The following RBFOX2 variants were observed in gnomAD, a reference collection of about 807,000 sequenced individuals.
RBFOX2 encodes the protein RNA binding fox-1 homolog 2, also known as RNA binding protein fox-1 homolog 2.
In RBFOX2, 10 loss-of-function variants were observed where a neutral mutation model predicts 49.1. The ratio of observed to expected loss-of-function variants is 0.20; its 90% CI spans 0.13 to 0.35. RBFOX2 has a LOEUF of 0.35. RBFOX2 is among the 10% of genes least tolerant of loss of function. RBFOX2 has a pLI of 1.00. For synonymous variants in RBFOX2, 183 were observed against 187.4 expected (o/e 0.98, Z 0.19); for missense variants, 323 against 486.9 (o/e 0.66, Z 3.17).
chr22:35,786,151 C>G (rs1946343862), intron 2 of RBFOX2, among the ~76,000 whole-genome samples: 1 of 152,130 alleles, frequency 6.6e-6, no homozygotes, highest in Non-Finnish European at 1.5e-5. Context: ...TGTGAAGTGG[C>G]AGGATAAATG....
intron 1 of RBFOX2, among the ~76,000 whole-genome samples, chr22:35,878,580 G>C (rs1047276611): frequency 2.6e-5 from 4 of 152,056 alleles, no homozygotes; most frequent in African/African-American, 4.8e-5. Flanking sequence ...TAGGACTACA[G>C]GTGTGTCCCA....
At chr22:35,895,033 T>C (rs1487800906) in intron 1 of RBFOX2, among the ~76,000 whole-genome samples, 2 of 151,198 alleles carry the variant, frequency 1.3e-5, no homozygotes, top group African/African-American at 4.9e-5. Context: ...CAGCTGACTG[T>C]TCTGTTGTTC....
At chr22:35,975,012 A>G (rs1424235238) in intron 1 of RBFOX2, among the ~76,000 whole-genome samples, 1 of 152,222 alleles carries the variant, frequency 6.6e-6, no homozygotes, top group Non-Finnish European at 1.5e-5. Context: ...AACTGTGAGG[A>G]GCAACCTTTT....
At chr22:35,750,532 C>A in intron 9 of RBFOX2, 1 of 1,141,970 alleles carries the variant, frequency 8.8e-7, no homozygotes, top group Non-Finnish European at 1.3e-6. Flanking sequence ...GGAGGGCACA[C>A]ACGGACGGCT....
chr22:35,913,180 A>G (rs767486575), intron 1 of RBFOX2, among the ~76,000 whole-genome samples: 2 of 152,116 alleles, frequency 1.3e-5, no homozygotes, highest in Admixed American at 6.6e-5. Flanking sequence ...TGTGAATTTA[A>G]AAGTAAACCG....
rs190249777 is a variant in RBFOX2 at position 35,757,844 on chromosome 22, A to C, written c.887+2044T>G. ...AAATGAGAAGGCTGATAAAATGGAA[A>C]GCACTGAGACCAAGTGGTGATTAAT... On this transcript the variant is annotated intron_variant, in intron 9 of 11. Transcript: ENST00000405409. Among the ~76,000 whole-genome samples, 18 of 152,324 alleles carry C rather than the reference A, an allele frequency of 1.2e-4. No individual in the cohort carries two copies. The East Asian group carries it at 2.7e-3, about 23-fold the overall frequency.
intron 1 of RBFOX2, among the ~76,000 whole-genome samples, chr22:35,901,860 T>A (rs1355809602): frequency 6.6e-6 from 1 of 152,070 alleles, no homozygotes; most frequent in African/African-American, 2.4e-5. Context: ...GGCAGGCGGA[T>A]CACTTGAGTT....
At chr22:35,819,459 T>A (rs950145990) in intron 1 of RBFOX2, among the ~76,000 whole-genome samples, 1 of 152,204 alleles carries the variant, frequency 6.6e-6, no homozygotes, top group East Asian at 1.9e-4. Flanking sequence ...CTCAACCTAA[T>A]GAACTCTCCA....
At chr22:35,947,729 A>C (rs1289908987) in intron 1 of RBFOX2, among the ~76,000 whole-genome samples, 2 of 151,226 alleles carry the variant, frequency 1.3e-5, no homozygotes, top group Non-Finnish European at 2.9e-5. Flanking sequence ...ACCTTATAGA[A>C]TAAGAATACA....
At chr22:35,774,484 AG>A (rs895791518) in intron 4 of RBFOX2, among the ~76,000 whole-genome samples, 2 of 152,210 alleles carry the variant, frequency 1.3e-5, no homozygotes, top group African/African-American at 4.8e-5. Context: ...AAAGAAACTT[AG>A]ATACAGGTGA....
chr22:35,900,705 A>G (rs1272056300), intron 1 of RBFOX2, among the ~76,000 whole-genome samples: 1 of 152,198 alleles, frequency 6.6e-6, no homozygotes, highest in East Asian at 1.9e-4. Context: ...TGCTACTCAA[A>G]TGTGACACAT....
At chr22:35,952,124 C>T (rs2055013557) in intron 1 of RBFOX2, among the ~76,000 whole-genome samples, 1 of 152,164 alleles carries the variant, frequency 6.6e-6, no homozygotes, top group Admixed American at 6.5e-5. Flanking sequence ...AATCTCAGCA[C>T]TAAGTCTGTA....
At chr22:35,750,405 T>A in intron 9 of RBFOX2, 3 of 1,567,534 alleles carry the variant, frequency 1.9e-6, no homozygotes, top group South Asian at 1.1e-5. Context: ...AAAGGACATA[T>A]GTATTTACAC....
Position 36,023,067 on chromosome 22 carries a change from GA to G in RBFOX2, c.186+5172del, listed in dbSNP as rs891929163. Reference sequence around the variant, plus strand: ...ATATTGTTCATGAAATTACTTGCAAGAAAAAAAAAACACAATATTTTTATAA... The same window carrying G: ...ATATTGTTCATGAAATTACTTGCAAGAAAAAAAAACACAATATTTTTATAA... On this transcript the variant is annotated intron_variant, in intron 1 of 13. Coordinates refer to the RBFOX2 transcript ENST00000438146. Among the ~76,000 whole-genome samples the G allele has an allele frequency of 4.9e-4, 72 of 147,758 alleles. No homozygotes were observed. In the South Asian group the frequency reaches 0.013, roughly 26 times the overall value.
At chr22:35,939,047 T>A, upstream of RBFOX2, 1 of 777,618 alleles carries the variant, frequency 1.3e-6, no homozygotes, top group Non-Finnish European at 2.2e-6. Flanking sequence ...AGTGTATATA[T>A]CTCCTCGTTA....
chr22:36,002,914 C>T (rs1004959233), intron 1 of RBFOX2, among the ~76,000 whole-genome samples: 1 of 152,270 alleles, frequency 6.6e-6, no homozygotes, highest in Non-Finnish European at 1.5e-5. Flanking sequence ...GCATGAGCCA[C>T]CACGCCCAGC....
At chr22:35,861,709 T>C (rs962497676) in intron 1 of RBFOX2, among the ~76,000 whole-genome samples, 3 of 152,320 alleles carry the variant, frequency 2.0e-5, no homozygotes, top group African/African-American at 4.8e-5. Flanking sequence ...GTATAACCAA[T>C]GTGGAAACAG....
At chr22:36,013,614 A>G (rs1467177545) in intron 1 of RBFOX2, among the ~76,000 whole-genome samples, 2 of 150,506 alleles carry the variant, frequency 1.3e-5, no homozygotes, top group Non-Finnish European at 2.9e-5. Flanking sequence ...AACCTTCACT[A>G]AGCATCACAC....
chr22:35,859,252 A>T (rs1169427406), intron 1 of RBFOX2, among the ~76,000 whole-genome samples: 3 of 152,198 alleles, frequency 2.0e-5, no homozygotes, highest in African/African-American at 2.4e-5. Context: ...AATGTACTTT[A>T]AAAAAACTAG....
Sources: gnomAD v4.1 joint callset for allele counts (sites outside exome capture counted in the v4.1 genomes callset) on GRCh38, gnomAD v4.1.1 for gene constraint, MANE v1.5 for transcripts, NCBI Gene and HGNC (gene_info 2026-07-23, HGNC 2026-07-21) for gene names.